Variants in HDAC4 observed in about 807,000 individuals in gnomAD.
HDAC4 encodes histone deacetylase 4.
In HDAC4, 16 loss-of-function variants were observed where a neutral mutation model predicts 135.1. The observed-to-expected ratio is 0.12, with a 90% CI of 0.08 to 0.18. The LOEUF (loss-of-function observed/expected upper bound fraction) is 0.18. Among genes scored for constraint, HDAC4 ranks in the 10% least tolerant of loss-of-function variants. HDAC4 has a pLI of 1.00. For missense variants in HDAC4, 1,143 were observed against 1,511.8 expected (o/e 0.76, Z 4.05); for synonymous variants, 685 against 653.4 (o/e 1.05, Z -0.74).
chr2:239,376,951 GA>G (rs1481373695), intron 1 of HDAC4, among the ~76,000 whole-genome samples: 2 of 152,088 alleles, frequency 1.3e-5, no homozygotes, highest in Admixed American at 1.3e-4. Context: ...GTCCTTATTG[GA>G]AGGGGAGCTA....
intron 1 of HDAC4, among the ~76,000 whole-genome samples, chr2:239,382,793 C>T (rs555576035): frequency 2.0e-5 from 3 of 152,190 alleles, no homozygotes; most frequent in South Asian, 2.1e-4. Flanking sequence ...GTTGCGGTCC[C>T]GGCTCACTGC....
At chr2:239,361,912 T>C (rs1426322543) in intron 1 of HDAC4, among the ~76,000 whole-genome samples, 2 of 152,240 alleles carry the variant, frequency 1.3e-5, no homozygotes, top group African/African-American at 2.4e-5. Flanking sequence ...GATGATCACT[T>C]TTCTAAGAAA....
intron 24 of HDAC4, among the ~76,000 whole-genome samples, chr2:239,061,028 C>T (rs1392352383): frequency 2.0e-5 from 3 of 152,220 alleles, no homozygotes; most frequent in African/African-American, 4.8e-5. Context: ...TTTGGCAGCC[C>T]GGATGGAAAG....
intron 2 of HDAC4, among the ~76,000 whole-genome samples, chr2:239,317,753 T>A (rs1016903055): frequency 6.6e-6 from 1 of 152,228 alleles, no homozygotes; most frequent in African/African-American, 2.4e-5. Context: ...CCACAGGTTC[T>A]TGGAAACCGC....
At position 239,115,058 on chromosome 2, in the gene HDAC4, T is replaced by C; in HGVS notation, c.1786A>G (p.Arg596Gly). Residue 596 changes from arginine to glycine, a missense_variant, in exon 13 of 27, where the codon AGA (arginine) becomes GGA (glycine). By Grantham distance (125) the Arg-to-Gly change is moderately radical (BLOSUM62 -2). Transcript: ENST00000543185. The surrounding 1 kb of genome is among the most constrained non-coding windows in gnomAD (Gnocchi z 6.3). Reference sequence around the variant, plus strand: ...CCCTCCCCGCCTGCGGTCACCTGTCTGAAGAGCAGCTCCTGCTCACTGGGC... The same window carrying C: ...CCCTCCCCGCCTGCGGTCACCTGTCCGAAGAGCAGCTCCTGCTCACTGGGC... ...RQPSEQELLFRQQALLLEQQR... is the reference protein window; with the variant it reads ...RQPSEQELLFGQQALLLEQQR... The C allele has an allele frequency of 6.2e-7, 1 of 1,610,438 alleles. No individual in the cohort carries two copies.
chr2:239,093,899 AT>A (rs2036748087), intron 17 of HDAC4: 1 of 973,772 alleles, frequency 1.0e-6, no homozygotes, highest in African/African-American at 1.8e-5. Flanking sequence ...CCTATTTACA[AT>A]ACAAAATAAA....
rs1397357769 is a variant in HDAC4 at position 239,084,665 on chromosome 2, CCA to C, written c.2445-425_2445-424del. The stretch of plus-strand genomic sequence containing the variant: ...CGTACACCCCACACAGACACACACA[CCA>C]CAGAGACACACCCTCCCACACAGAC... On this transcript the variant is annotated intron_variant, in intron 19 of 26. Transcript: ENST00000543185. 8.1e-4 allele frequency among the ~76,000 whole-genome samples: 122 copies of C among 150,504 alleles called. 1 individual carries two copies. Among genetic ancestry groups the C allele is most frequent in the African/African-American group, 2.8e-3 (116 of 40,780 alleles).
chr2:239,063,102 G>C (rs2032997017), intron 24 of HDAC4, among the ~76,000 whole-genome samples: 1 of 152,196 alleles, frequency 6.6e-6, no homozygotes, highest in South Asian at 2.1e-4. Flanking sequence ...CTCCAGGTCT[G>C]CTGTCCCGGG....
At chr2:239,222,368 T>C (rs1052189011) in intron 3 of HDAC4, among the ~76,000 whole-genome samples, 3 of 152,172 alleles carry the variant, frequency 2.0e-5, no homozygotes, top group Non-Finnish European at 4.4e-5. Flanking sequence ...TTCTAATTTG[T>C]TCTATATCCC....
chr2:239,095,861 T>C (rs2036975275), intron 16 of HDAC4, among the ~76,000 whole-genome samples: 1 of 152,180 alleles, frequency 6.6e-6, no homozygotes, highest in Non-Finnish European at 1.5e-5. Context: ...TCCTAGCGGC[T>C]GCCTGGGCCC....
chr2:239,334,893 C>T (rs952466325), intron 2 of HDAC4, among the ~76,000 whole-genome samples: 6 of 151,902 alleles, frequency 3.9e-5, no homozygotes, highest in African/African-American at 9.7e-5. Context: ...GGCATGGTGG[C>T]GTGCACCTGT....
chr2:239,177,625 A>G (rs2043857803), intron 4 of HDAC4, among the ~76,000 whole-genome samples: 1 of 152,226 alleles, frequency 6.6e-6, no homozygotes, highest in Admixed American at 6.5e-5. Context: ...ATTATATCTC[A>G]TATTTCAAAA....
rs2040212306 is a variant in HDAC4 at position 239,126,666 on chromosome 2, C to A, written c.1323G>T (p.Leu441=). 1.2e-6 allele frequency: 2 copies of A among 1,613,844 alleles called. No homozygotes were observed. Among genetic ancestry groups the A allele is most frequent in the African/African-American group, 2.7e-5 (2 of 74,936 alleles). The change falls in exon 12 of 27, where the codon CTG becomes CTT. Residue 441 remains leucine, a synonymous_variant. Transcript: ENST00000543185. ...TDWYLSGLGA[L]PLHAQSLVGA... is the part of the protein sequence containing the mutation. The stretch of plus-strand genomic sequence containing the variant: ...CAACCAAGGACTGTGCGTGGAGGGG[C>A]AGTGCTCCCAGGCCTGAAAGATACC...
At position 239,307,630 on chromosome 2, in the gene HDAC4, C is replaced by T. The variant is rs892795732; in HGVS notation, c.22+45048G>A. 6.6e-5 allele frequency among the ~76,000 whole-genome samples: 10 copies of T among 152,208 alleles called. No homozygotes were observed. The highest frequency in any genetic ancestry group is 5.2e-4 in the Admixed American group (8 of 15,290). ...AAACTTGGTTTTCCAAATAGCCAAACGACAACTCCTGCTCAAGAAAACGCA... is the reference window on the plus strand; with the variant it reads ...AAACTTGGTTTTCCAAATAGCCAAATGACAACTCCTGCTCAAGAAAACGCA... On this transcript the variant is annotated intron_variant, in intron 2 of 26. Transcript: ENST00000543185. This position sits in a 1 kb window ranked among gnomAD's most constrained non-coding sequence, Gnocchi z 4.8.
chr2:239,106,544 G>T (rs964509519), intron 15 of HDAC4, among the ~76,000 whole-genome samples: 12 of 152,160 alleles, frequency 7.9e-5, no homozygotes, highest in Non-Finnish European at 1.5e-4. Context: ...CCTGAAGCAG[G>T]TGCCAAGAGC....
At chr2:239,162,222 C>T in intron 6 of HDAC4, 1 of 456,774 alleles carries the variant, frequency 2.2e-6, no homozygotes, top group Non-Finnish European at 4.4e-6. Flanking sequence ...ACTCCTATCA[C>T]TGTCTTCTCA....
chr2:239,301,261 C>T (rs1204842149), intron 2 of HDAC4, among the ~76,000 whole-genome samples: 5 of 152,164 alleles, frequency 3.3e-5, no homozygotes, highest in East Asian at 3.9e-4. Context: ...ATCCCAGCCA[C>T]GACGAGGGGC....
intron 2 of HDAC4, among the ~76,000 whole-genome samples, chr2:239,269,602 C>T (rs888617074): frequency 6.6e-6 from 1 of 152,212 alleles, no homozygotes; most frequent in Non-Finnish European, 1.5e-5. Context: ...GAGGAGGGTC[C>T]TTATTCATGC....
intron 19 of HDAC4, 150 bp downstream of exon 19, chr2:239,087,409 G>T: frequency 1.4e-6 from 1 of 718,112 alleles, no homozygotes; most frequent in Admixed American, 2.2e-5. Flanking sequence ...CCACACCCAG[G>T]AGCTGGAGCC....
Sources: gnomAD v4.1 joint callset for allele counts (sites outside exome capture counted in the v4.1 genomes callset) on GRCh38, gnomAD v4.1.1 for gene constraint, Gnocchi (gnomAD v3.1) non-coding constraint, MANE v1.5 for transcripts, NCBI Gene and HGNC (gene_info 2026-07-23, HGNC 2026-07-21) for gene names.